TRAPPC9: variants seen among roughly 807,000 people sequenced by gnomAD.
The protein encoded by TRAPPC9 is IKK2 binding protein.
Under a neutral mutation model 124.0 loss-of-function variants are expected in TRAPPC9, and 83 were observed. The observed-to-expected ratio is 0.67, with a 90% CI of 0.56 to 0.80. The LOEUF (loss-of-function observed/expected upper bound fraction) is 0.80, where lower values mean the gene tolerates loss of function less well. Ranked by LOEUF, TRAPPC9 falls within the 30% of genes least tolerant of loss-of-function variation. The probability of loss-of-function intolerance (pLI) is 0.00; values close to 1 mark genes in which losing one functional copy is unlikely to be tolerated. For synonymous variants in TRAPPC9, 638 were observed against 617.5 expected (o/e 1.03, Z -0.49); for missense variants, 1,302 against 1,508.3 (o/e 0.86, Z 2.27).
chr8:140,293,910 C>T (rs1214108524), intron 11 of TRAPPC9, among the ~76,000 whole-genome samples: 2 of 151,932 alleles, frequency 1.3e-5, no homozygotes, highest in Non-Finnish European at 2.9e-5. Flanking sequence ...TAATACAGTG[C>T]CCACCAGGTG....
chr8:140,402,962 A>C (rs1248637808), intron 6 of TRAPPC9, among the ~76,000 whole-genome samples: 2 of 152,220 alleles, frequency 1.3e-5, no homozygotes, highest in Admixed American at 1.3e-4. Flanking sequence ...ACAGATAATT[A>C]GATAATTATA....
chr8:139,820,370 G>A (rs939729155), intron 21 of TRAPPC9, among the ~76,000 whole-genome samples: 16 of 152,082 alleles, frequency 1.1e-4, no homozygotes, highest in African/African-American at 3.4e-4. Context: ...TAGTAGAGAC[G>A]GGGTTCCACC....
At chr8:140,449,958 T>C (rs2071397062) in intron 2 of TRAPPC9, among the ~76,000 whole-genome samples, 1 of 152,232 alleles carries the variant, frequency 6.6e-6, no homozygotes, top group Non-Finnish European at 1.5e-5. Flanking sequence ...TTGCCACATT[T>C]TTAAAAGTAA....
chr8:140,407,529 G>A (rs538699031), intron 5 of TRAPPC9, among the ~76,000 whole-genome samples: 8 of 152,106 alleles, frequency 5.3e-5, no homozygotes, highest in South Asian at 2.1e-4. Flanking sequence ...TCCCCCCGAC[G>A]GAGAAGGAAC....
chr8:140,140,878 C>T (rs190994648), intron 17 of TRAPPC9, among the ~76,000 whole-genome samples: 4 of 152,268 alleles, frequency 2.6e-5, no homozygotes, highest in East Asian at 3.9e-4. Flanking sequence ...ATGGGCTGCA[C>T]GGTCAGTTTT....
rs2131489732 is a variant in TRAPPC9 at position 139,948,336 on chromosome 8, C to T, written c.2811-38036G>A. On this transcript the variant is annotated intron_variant, in intron 19 of 22. Transcript: ENST00000438773. ...CCTAGCGTGTTCCCCATGACCCCTG[C>T]CCTGGTGTTCACACCCTCCCTTTTG... Among the ~76,000 whole-genome samples, 3 of 152,176 alleles carry T rather than the reference C, an allele frequency of 2.0e-5. No individual in the cohort carries two copies. In the Middle Eastern group the frequency reaches 0.01, roughly 518 times the overall value.
chr8:139,746,236 G>A (rs1250372693), intron 21 of TRAPPC9, among the ~76,000 whole-genome samples: 1 of 152,224 alleles, frequency 6.6e-6, no homozygotes, highest in African/African-American at 2.4e-5. Context: ...AGAAGGTTCT[G>A]GTTGCAGAGG....
At chr8:140,296,855 G>T (rs375185054) in intron 11 of TRAPPC9, among the ~76,000 whole-genome samples, 2 of 152,338 alleles carry the variant, frequency 1.3e-5, no homozygotes, top group Non-Finnish European at 1.5e-5. Flanking sequence ...TTCCGTAGGG[G>T]AGACAGTTCA....
At chr8:140,122,983 T>G (rs73361136) in intron 17 of TRAPPC9, among the ~76,000 whole-genome samples, 3,145 of 152,330 alleles carry the variant, frequency 0.021, 103 homozygotes, top group African/African-American at 0.07. Flanking sequence ...TACTGGGTCC[T>G]ATACATTTTT....
chr8:140,008,273 G>A (rs1306912580), intron 18 of TRAPPC9, among the ~76,000 whole-genome samples: 6 of 152,222 alleles, frequency 3.9e-5, no homozygotes, highest in African/African-American at 1.4e-4. Flanking sequence ...CTGTGACACT[G>A]GTTCCAGTTT....
In TRAPPC9 at chr8:140,197,633, A is replaced by G. The variant is rs538589123; in HGVS notation, c.2556+23826T>C. Among the ~76,000 whole-genome samples, 3 of 152,262 alleles carry G rather than the reference A, an allele frequency of 2.0e-5. No individual in the cohort carries two copies. In the East Asian group the frequency reaches 5.8e-4, roughly 29 times the overall value. ...TTTTAATTTCCTCTTTCCTTACCAGATACGTATTGACATTTGGGCCACAAT... is the reference window on the plus strand; with the variant it reads ...TTTTAATTTCCTCTTTCCTTACCAGGTACGTATTGACATTTGGGCCACAAT... On this transcript the variant is annotated intron_variant, in intron 17 of 22. Coordinates refer to ENST00000438773, the MANE Select transcript of TRAPPC9 (RefSeq NM_001160372.4).
intron 7 of TRAPPC9, among the ~76,000 whole-genome samples, chr8:140,385,060 T>C (rs2132312821): frequency 6.6e-6 from 1 of 152,308 alleles, no homozygotes; most frequent in Non-Finnish European, 1.5e-5. Context: ...AACCTGCTCC[T>C]GAATGACTAC....
chr8:140,095,622 A>T (rs534808272), intron 17 of TRAPPC9: 1 of 152,298 alleles, frequency 6.6e-6, no homozygotes, highest in East Asian at 1.9e-4. Flanking sequence ...CCCACCAAAG[A>T]AAACCACTTT....
chr8:139,737,422 C>G (rs373416745), intron 21 of TRAPPC9, among the ~76,000 whole-genome samples: 2 of 140,480 alleles, frequency 1.4e-5, no homozygotes, highest in Admixed American at 7.9e-5. Context: ...CTCACCACCC[C>G]GCAGAGCACC....
At chr8:140,056,251 GA>G (rs34051448) in intron 17 of TRAPPC9, among the ~76,000 whole-genome samples, 16,865 of 148,634 alleles carry the variant, frequency 0.11, 1,903 homozygotes, top group African/African-American at 0.3. Context: ...TCTACAGAAA[GA>G]AAAAAAAAAT....
intron 17 of TRAPPC9, among the ~76,000 whole-genome samples, chr8:140,065,789 G>A (rs953813050): frequency 1.3e-5 from 2 of 152,248 alleles, no homozygotes; most frequent in African/African-American, 4.8e-5. Context: ...GACAGCTGAT[G>A]GAGATGTACA....
At chr8:139,779,309 A>G (rs1035295749) in intron 21 of TRAPPC9, among the ~76,000 whole-genome samples, 5 of 152,216 alleles carry the variant, frequency 3.3e-5, no homozygotes, top group African/African-American at 1.2e-4. Flanking sequence ...TCAGAAATAC[A>G]AAAGCAGAAG....
chr8:139,839,109 A>G (rs1275291453), intron 21 of TRAPPC9, among the ~76,000 whole-genome samples: 2 of 152,254 alleles, frequency 1.3e-5, no homozygotes, highest in East Asian at 3.8e-4. Context: ...ATCTTTGGCC[A>G]GATAACCCTC....
intron 19 of TRAPPC9, among the ~76,000 whole-genome samples, chr8:139,971,112 C>T (rs1265861558): frequency 1.3e-5 from 2 of 152,150 alleles, no homozygotes; most frequent in African/African-American, 2.4e-5. Context: ...CAACCCACCC[C>T]GAGATCAGCA....
Sources: gnomAD v4.1 joint callset for allele counts (sites outside exome capture counted in the v4.1 genomes callset) on GRCh38, gnomAD v4.1.1 for gene constraint, MANE v1.5 for transcripts, NCBI Gene and HGNC (gene_info 2026-07-23, HGNC 2026-07-21) for gene names.